PDE3A: variants seen among roughly 807,000 people sequenced by gnomAD.
PDE3A encodes phosphodiesterase 3A.
Under a neutral mutation model 98.3 loss-of-function variants are expected in PDE3A, and 43 were observed. That is an observed-to-expected ratio of 0.44 (90% CI 0.34 to 0.56). The LOEUF is 0.56. Ranked by LOEUF, PDE3A falls within the 20% of genes least tolerant of loss-of-function variation. The pLI, the probability that PDE3A is intolerant of heterozygous loss-of-function variation, is 0.01. For missense variants in PDE3A, 1,427 were observed against 1,440.7 expected (o/e 0.99, Z 0.15); for synonymous variants, 663 against 567.9 (o/e 1.17, Z -2.38).
chr12:20,439,061 C>T (rs1944825448), intron 1 of PDE3A, among the ~76,000 whole-genome samples: 2 of 152,222 alleles, frequency 1.3e-5, no homozygotes, highest in South Asian at 2.1e-4. Flanking sequence ...TTTCAGAGTG[C>T]TGGGATTACA....
intron 1 of PDE3A, among the ~76,000 whole-genome samples, chr12:20,521,362 A>G (rs183891970): frequency 6.6e-6 from 1 of 152,166 alleles, no homozygotes; most frequent in Admixed American, 6.5e-5. Context: ...AGTCTAGAAA[A>G]CCTTAGATGT....
At chr12:20,601,560 T>C (rs1943592228) in intron 2 of PDE3A, among the ~76,000 whole-genome samples, 1 of 152,166 alleles carries the variant, frequency 6.6e-6, no homozygotes, top group African/African-American at 2.4e-5. Flanking sequence ...TGTGGGAAAA[T>C]GTTAATCAAA....
At chr12:20,422,338 T>C (rs993198704) in intron 1 of PDE3A, among the ~76,000 whole-genome samples, 12 of 151,360 alleles carry the variant, frequency 7.9e-5, no homozygotes, top group East Asian at 1.9e-4. Context: ...AGCGAGACTC[T>C]GTCTCAAAAA....
intron 2 of PDE3A, among the ~76,000 whole-genome samples, chr12:20,574,782 C>T (rs2121321883): frequency 6.6e-6 from 1 of 152,066 alleles, no homozygotes; most frequent in South Asian, 2.1e-4. Context: ...TCTCACTGTC[C>T]CTAATATAGC....
At chr12:20,668,205 CAG>C (rs1278975034) in intron 15 of PDE3A, among the ~76,000 whole-genome samples, 1 of 151,814 alleles carries the variant, frequency 6.6e-6, no homozygotes, top group Non-Finnish European at 1.5e-5. Flanking sequence ...CCTACGCCCA[CAG>C]AGTCTCGCTG....
Position 20,584,390 on chromosome 12 carries a change from A to G in PDE3A, c.1011+27680A>G, listed in dbSNP as rs188248293. 4.4e-4 allele frequency among the ~76,000 whole-genome samples: 67 copies of G among 152,282 alleles called. No homozygotes were observed. In the East Asian group the frequency reaches 0.013, roughly 29 times the overall value. On this transcript the variant is annotated intron_variant, in intron 2 of 15. Coordinates refer to ENST00000359062, the MANE Select transcript of PDE3A (RefSeq NM_000921.5). ...GTGATTCAGAGAGATGTAGAACATT[A>G]AATGAATGTTATGCTGTATAAGTCT...
chr12:20,515,974 C>T (rs1409157754), intron 1 of PDE3A, among the ~76,000 whole-genome samples: 1 of 150,744 alleles, frequency 6.6e-6, no homozygotes, highest in Non-Finnish European at 1.5e-5. Flanking sequence ...CCTCGTGATC[C>T]GCCCGCCTCG....
chr12:20,555,078 GTGGCGTGCGA>G (rs1363485451), intron 1 of PDE3A, among the ~76,000 whole-genome samples: 1 of 151,876 alleles, frequency 6.6e-6, no homozygotes, highest in Non-Finnish European at 1.5e-5. Flanking sequence ...CTGGAGTGCA[GTGGCGTGCGA>G]TCTTGGGTCA....
chr12:20,572,140 T>C, intron 2 of PDE3A: 1 of 1,279,742 alleles, frequency 7.8e-7, no homozygotes, highest in African/African-American at 1.5e-5. Flanking sequence ...GTGACGATAT[T>C]TTCCAAATCG....
chr12:20,477,420 G>A (rs7962724), intron 1 of PDE3A, among the ~76,000 whole-genome samples: 60,953 of 151,958 alleles, frequency 0.4, 12,681 homozygotes, highest in East Asian at 0.67. Context: ...GGAAGAAGGG[G>A]CTCTAGCTTT....
intron 1 of PDE3A, among the ~76,000 whole-genome samples, chr12:20,438,277 G>A (rs535385820): frequency 1.3e-5 from 2 of 152,238 alleles, no homozygotes; most frequent in African/African-American, 4.8e-5. Flanking sequence ...CAGCTTTTCA[G>A]TGTTTACTAT....
chr12:20,427,359 G>A (rs997714070), intron 1 of PDE3A, among the ~76,000 whole-genome samples: 1 of 152,208 alleles, frequency 6.6e-6, no homozygotes, highest in African/African-American at 2.4e-5. Context: ...TAAGGATTGA[G>A]TAAAATGGAA....
At chr12:20,513,226 A>G (rs1946260434) in intron 1 of PDE3A, among the ~76,000 whole-genome samples, 3 of 152,114 alleles carry the variant, frequency 2.0e-5, no homozygotes, top group South Asian at 4.1e-4. Flanking sequence ...ATATGTTTTT[A>G]TATTTCTAAT....
chr12:20,590,855 T>A (rs1592088208), intron 2 of PDE3A, among the ~76,000 whole-genome samples: 1 of 152,062 alleles, frequency 6.6e-6, no homozygotes, highest in South Asian at 2.1e-4. Flanking sequence ...TTATGGTGGG[T>A]CTGTGATGTG....
At chr12:20,643,742 G>A (rs11045360) in intron 10 of PDE3A, among the ~76,000 whole-genome samples, 41,916 of 151,886 alleles carry the variant, frequency 0.28, 5,988 homozygotes, top group Admixed American at 0.35. Context: ...CATAAAATGA[G>A]TTTGGCAGCT....
intron 2 of PDE3A, chr12:20,572,215 T>A: frequency 1.2e-6 from 1 of 867,104 alleles, no homozygotes; most frequent in Non-Finnish European, 1.6e-6. Flanking sequence ...CAACAGAAAT[T>A]ATATTAGAGA....
chr12:20,549,641 AT>A (rs1397975462), intron 1 of PDE3A, among the ~76,000 whole-genome samples: 1 of 151,964 alleles, frequency 6.6e-6, no homozygotes, highest in African/African-American at 2.4e-5. Context: ...TTTCTGTAAC[AT>A]TTTTTATTAC....
At chr12:20,436,232 A>G (rs1382362992) in intron 1 of PDE3A, among the ~76,000 whole-genome samples, 1 of 151,678 alleles carries the variant, frequency 6.6e-6, no homozygotes, top group Non-Finnish European at 1.5e-5. Flanking sequence ...ATTCCAAAAG[A>G]CTCTTTAGGA....
chr12:20,373,118 GA>G (rs1187255875), intron 1 of PDE3A, among the ~76,000 whole-genome samples: 1 of 151,858 alleles, frequency 6.6e-6, no homozygotes, highest in Non-Finnish European at 1.5e-5. Flanking sequence ...TTATTCTCAG[GA>G]AAAAACAAAG....
Sources: gnomAD v4.1 joint callset for allele counts (sites outside exome capture counted in the v4.1 genomes callset) on GRCh38, gnomAD v4.1.1 for gene constraint, MANE v1.5 for transcripts, NCBI Gene and HGNC (gene_info 2026-07-23, HGNC 2026-07-21) for gene names.